Variants in IGSF5 observed in about 807,000 individuals in gnomAD.
IGSF5 encodes immunoglobulin superfamily member 5, also known as immunoglobulin superfamily 5 like.
In IGSF5, 41 loss-of-function variants were observed where a neutral mutation model predicts 39.4. The observed-to-expected ratio is 1.04, with a 90% CI of 0.81 to 1.35. The LOEUF is 1.35. IGSF5 is among the 40% of genes most tolerant of loss of function. The pLI, the probability that IGSF5 is intolerant of heterozygous loss-of-function variation, is 0.00. For missense variants in IGSF5, 487 were observed against 494.6 expected (o/e 0.98, Z 0.15); for synonymous variants, 183 against 175.3 (o/e 1.04, Z -0.34).
chr21:39,737,123 C>T, the IGSF5 span, among the ~76,000 whole-genome samples: 1,162 of 151,862 alleles, frequency 7.7e-3, 17 homozygotes, highest in African/African-American at 0.027. Context: ...CTGCTTTGTT[C>T]ACCATTTTTC....
chr21:39,747,736 T>A (rs1180692655), intron 2 of IGSF5, among the ~76,000 whole-genome samples: 1 of 152,206 alleles, frequency 6.6e-6, no homozygotes, highest in African/African-American at 2.4e-5. Flanking sequence ...GTCTAGGTCA[T>A]TAACATAATT....
chr21:39,752,771 T>A (rs2080011879), intron 2 of IGSF5, among the ~76,000 whole-genome samples: 2 of 152,244 alleles, frequency 1.3e-5, no homozygotes, highest in South Asian at 4.1e-4. Flanking sequence ...ATTTTTCATA[T>A]GTTTGTTGGC....
Position 39,771,156 on chromosome 21 carries a change from A to T in IGSF5, c.659A>T (p.Lys220Met). The change falls in exon 4 of 9, where the codon AAG (lysine) becomes ATG (methionine). Residue 220 changes from lysine to methionine, a missense_variant. Coordinates refer to ENST00000380588, the MANE Select transcript of IGSF5 (RefSeq NM_001080444.2). Reference sequence around the variant, plus strand: ...ACTTTGACTTGCGTGGCTACCTGGAAGAGCCTGAAGGCCCGCAAGTCTGCA... The same window carrying T: ...ACTTTGACTTGCGTGGCTACCTGGATGAGCCTGAAGGCCCGCAAGTCTGCA... The part of the protein sequence containing the change: ...NGTLTCVATW[K>M]SLKARKSATV... 1 of 1,607,020 alleles carries T rather than the reference A, an allele frequency of 6.2e-7. No homozygotes were observed.
intron 2 of IGSF5, among the ~76,000 whole-genome samples, chr21:39,758,482 A>C (rs559084604): frequency 5.9e-5 from 9 of 152,088 alleles, no homozygotes; most frequent in Admixed American, 5.9e-4. Context: ...TTCGAGGAAG[A>C]CCTGACTCAG....
chr21:39,738,083 T>G, the IGSF5 span, among the ~76,000 whole-genome samples: 1 of 152,232 alleles, frequency 6.6e-6, no homozygotes, highest in East Asian at 1.9e-4. The surrounding 1 kb of genome is among the most constrained non-coding windows in gnomAD (Gnocchi z 6.4). Flanking sequence ...TATATCACAC[T>G]TCTACTCTCT....
chr21:39,748,584 T>C (rs1287455484), intron 2 of IGSF5, among the ~76,000 whole-genome samples: 7 of 152,040 alleles, frequency 4.6e-5, no homozygotes, highest in Admixed American at 2.0e-4. Context: ...AACGAGATCT[T>C]ATAAGGACCT....
the IGSF5 span, among the ~76,000 whole-genome samples, chr21:39,733,083 A>C: frequency 6.6e-6 from 1 of 152,274 alleles, no homozygotes; most frequent in South Asian, 2.1e-4. Flanking sequence ...ATTTGAAAAA[A>C]GAAAAAAAGA....
chr21:39,742,386 G>A (rs1487965452), upstream of IGSF5, among the ~76,000 whole-genome samples: 1 of 152,194 alleles, frequency 6.6e-6, no homozygotes, highest in African/African-American at 2.4e-5. Context: ...CAGTTGTCCG[G>A]GACAGGAGAG....
intron 5 of IGSF5, among the ~76,000 whole-genome samples, chr21:39,780,305 T>A (rs1043629665): frequency 6.6e-6 from 1 of 152,194 alleles, no homozygotes; most frequent in Non-Finnish European, 1.5e-5. Context: ...AAGGACTTTC[T>A]TAAGGAAGGA....
chr21:39,763,608 G>A (rs912500393), intron 2 of IGSF5, among the ~76,000 whole-genome samples: 3 of 152,114 alleles, frequency 2.0e-5, no homozygotes, highest in Admixed American at 1.3e-4. Flanking sequence ...GGTTTCAGAG[G>A]GATGCTTGTT....
chr21:39,800,655 A>G (rs1225093359), intron 8 of IGSF5, among the ~76,000 whole-genome samples: 3 of 152,250 alleles, frequency 2.0e-5, no homozygotes, highest in Admixed American at 1.3e-4. Context: ...TGTTAAGTGC[A>G]GCTATTGTGC....
At chr21:39,754,207 A>AT (rs1250359070) in intron 2 of IGSF5, among the ~76,000 whole-genome samples, 1 of 152,276 alleles carries the variant, frequency 6.6e-6, no homozygotes, top group Admixed American at 6.5e-5. Context: ...TGCCTTTAGC[A>AT]TTTTTTGTCT....
intron 5 of IGSF5, among the ~76,000 whole-genome samples, chr21:39,780,002 T>G (rs180953449): frequency 6.6e-6 from 1 of 152,336 alleles, no homozygotes; most frequent in Non-Finnish European, 1.5e-5. Context: ...CTGTAATTAA[T>G]TATCATGTAT....
chr21:39,719,526 C>G, the IGSF5 span, among the ~76,000 whole-genome samples: 8 of 152,112 alleles, frequency 5.3e-5, no homozygotes, highest in African/African-American at 1.2e-4. Context: ...CCTAGGCTCT[C>G]TTTGCCAGCG....
intron 8 of IGSF5, among the ~76,000 whole-genome samples, chr21:39,800,535 T>C (rs1195879927): frequency 5.9e-5 from 9 of 152,212 alleles, no homozygotes; most frequent in Admixed American, 5.9e-4. Flanking sequence ...CCCTGTGTTA[T>C]TGGGAGTCAA....
the IGSF5 span, among the ~76,000 whole-genome samples, chr21:39,739,881 C>T: frequency 6.6e-6 from 1 of 152,126 alleles, no homozygotes; most frequent in Admixed American, 6.5e-5. Context: ...GTTAAAGATA[C>T]AGGGATTCAA....
chr21:39,801,233 A>C, intron 8 of IGSF5, 29 bp from the exon 9 acceptor site: 2 of 1,562,920 alleles, frequency 1.3e-6, no homozygotes, highest in Non-Finnish European at 1.8e-6. Context: ...CAACCCATTA[A>C]ATTGACTTTT....
At chr21:39,719,491 G>C in the IGSF5 span, among the ~76,000 whole-genome samples, 1 of 152,130 alleles carries the variant, frequency 6.6e-6, no homozygotes. Context: ...GCTTCCTCTG[G>C]ATCAGGTCAG....
intron 3 of IGSF5, among the ~76,000 whole-genome samples, chr21:39,767,831 T>C (rs2080094305): frequency 1.3e-5 from 2 of 152,162 alleles, no homozygotes; most frequent in South Asian, 4.1e-4. Context: ...AATAAAGCCT[T>C]CATGGATGAT....
Sources: allele counts gnomAD v4.1 joint callset (sites outside exome capture counted in the v4.1 genomes callset), GRCh38; gene constraint gnomAD v4.1.1; non-coding constraint Gnocchi (gnomAD v3.1); transcripts MANE v1.5; gene names NCBI Gene and HGNC (gene_info 2026-07-23, HGNC 2026-07-21).